The following SUMF1 variants were observed in gnomAD, a reference collection of about 807,000 sequenced individuals.
SUMF1 encodes the protein sulfatase modifying factor 1.
SUMF1 carries 48 observed loss-of-function variants against 47.6 expected under a neutral mutation model. That is an observed-to-expected ratio of 1.01 (90% CI 0.80 to 1.28). The LOEUF is 1.28. Ranked by LOEUF, SUMF1 falls within the 50% of genes most tolerant of loss-of-function variation. SUMF1 has a pLI of 0.00. For missense variants in SUMF1, 571 were observed against 485.4 expected, an observed-to-expected ratio of 1.18 and a Z score of -1.66; for synonymous variants, 230 against 192.1, an observed-to-expected ratio of 1.20 and a Z score of -1.63.
At chr3:4,258,747 G>A (rs1488382604) in intron 8 of SUMF1, among the ~76,000 whole-genome samples, 2 of 140,186 alleles carry the variant, frequency 1.4e-5, no homozygotes, top group African/African-American at 2.7e-5. Context: ...ATTTGACCCA[G>A]CCATCCCATT....
intron 8 of SUMF1, among the ~76,000 whole-genome samples, chr3:4,232,411 T>C (rs1490095498): frequency 6.6e-6 from 1 of 152,122 alleles, no homozygotes; most frequent in African/African-American, 2.4e-5. Context: ...AGAATATGAC[T>C]GCCAGGGTTC....
intron 8 of SUMF1, among the ~76,000 whole-genome samples, chr3:4,134,516 G>C (rs1012918228): frequency 6.6e-6 from 1 of 152,000 alleles, no homozygotes; most frequent in Non-Finnish European, 1.5e-5. Flanking sequence ...AGAGAAAGCA[G>C]GAAAGATCTA....
At chr3:4,367,746 T>A (rs550799300) in intron 8 of SUMF1, among the ~76,000 whole-genome samples, 2 of 152,276 alleles carry the variant, frequency 1.3e-5, no homozygotes, top group South Asian at 4.1e-4. Flanking sequence ...AAGGATTCCC[T>A]ATTTAATAAA....
intron 8 of SUMF1, among the ~76,000 whole-genome samples, chr3:4,110,899 C>T (rs183150294): frequency 0.018 from 2,649 of 150,570 alleles, 33 homozygotes; most frequent in Non-Finnish European, 0.027. Context: ...TGTTAAATGA[C>T]GAGTTGATGG....
chr3:4,065,631 T>C (rs1213566567), intron 9 of SUMF1, among the ~76,000 whole-genome samples: 1 of 152,152 alleles, frequency 6.6e-6, no homozygotes, highest in African/African-American at 2.4e-5. Context: ...TCATTTGAAC[T>C]TGAAATTTAA....
At chr3:4,174,223 G>A (rs1482154583) in intron 8 of SUMF1, among the ~76,000 whole-genome samples, 1 of 151,888 alleles carries the variant, frequency 6.6e-6, no homozygotes, top group Non-Finnish European at 1.5e-5. Context: ...AGGCATGGTG[G>A]CAGGCACCTG....
chr3:4,193,397 G>A (rs573727010), intron 8 of SUMF1, among the ~76,000 whole-genome samples: 3 of 152,102 alleles, frequency 2.0e-5, no homozygotes, highest in South Asian at 4.1e-4. Context: ...TATCAGACTT[G>A]AGGGGATCAT....
At chr3:4,067,622 C>A in intron 9 of SUMF1, among the ~76,000 whole-genome samples, 1 of 152,210 alleles carries the variant, frequency 6.6e-6, no homozygotes, top group East Asian at 1.9e-4. Context: ...GGCAGCTCAT[C>A]CACCTGGTTA....
rs77720464 is a variant in SUMF1, at chr3:4,227,163, A to G, written c.1014+149167T>C. 1.8e-4 allele frequency among the ~76,000 whole-genome samples: 27 copies of G among 152,262 alleles called. 2 individuals carry two copies. The East Asian group carries it at 5.0e-3, about 28-fold the overall frequency. ...GAAGCATTCTAGAGCTTCTTTGGGTATAACGATATGGTTACAACACATCCG... is the reference window on the plus strand; with the variant it reads ...GAAGCATTCTAGAGCTTCTTTGGGTGTAACGATATGGTTACAACACATCCG... On this transcript the variant is annotated intron_variant and NMD_transcript_variant, in intron 8 of 12. Transcript: ENST00000448413.
chr3:4,407,610 A>G (rs1011873302), intron 7 of SUMF1, among the ~76,000 whole-genome samples: 4 of 152,228 alleles, frequency 2.6e-5, no homozygotes, highest in Non-Finnish European at 5.9e-5. Context: ...GCTAAGCACT[A>G]GAGATACACA....
intron 8 of SUMF1, among the ~76,000 whole-genome samples, chr3:4,155,748 C>A (rs1048911093): frequency 2.6e-5 from 4 of 151,448 alleles, no homozygotes; most frequent in Admixed American, 2.0e-4. Context: ...GATATGAACC[C>A]TGTCAGTCCG....
At chr3:4,040,088 CAA>C (rs1177585802) in intron 9 of SUMF1, among the ~76,000 whole-genome samples, 1 of 151,896 alleles carries the variant, frequency 6.6e-6, no homozygotes, top group Non-Finnish European at 1.5e-5. Flanking sequence ...ACCACACACA[CAA>C]AAGAGAGATA....
chr3:4,053,793 G>A (rs555593055), intron 9 of SUMF1, among the ~76,000 whole-genome samples: 22 of 152,158 alleles, frequency 1.4e-4, no homozygotes, highest in Middle Eastern at 3.4e-3. Context: ...TTGAACAACC[G>A]TCACTACCTC....
chr3:4,428,662 T>G (rs1310503579), intron 3 of SUMF1, among the ~76,000 whole-genome samples: 1 of 152,240 alleles, frequency 6.6e-6, no homozygotes, highest in Non-Finnish European at 1.5e-5. Flanking sequence ...CCCTGTTCCA[T>G]TTTTAATGTC....
chr3:4,242,106 G>A (rs1207691096), intron 8 of SUMF1, among the ~76,000 whole-genome samples: 2 of 152,150 alleles, frequency 1.3e-5, no homozygotes, highest in Non-Finnish European at 2.9e-5. Flanking sequence ...GAATGCTTGT[G>A]ATATTTGCAC....
At chr3:4,074,528 T>A (rs1692374973) in intron 8 of SUMF1, among the ~76,000 whole-genome samples, 1 of 151,908 alleles carries the variant, frequency 6.6e-6, no homozygotes, top group Admixed American at 6.6e-5. Context: ...AAAAAAACCC[T>A]TCAAAAAATC....
chr3:4,149,292 A>T (rs1390790378), intron 8 of SUMF1, among the ~76,000 whole-genome samples: 1 of 152,160 alleles, frequency 6.6e-6, no homozygotes, highest in Non-Finnish European at 1.5e-5. Flanking sequence ...GAACCTACTG[A>T]GAGCATTTAC....
intron 8 of SUMF1, among the ~76,000 whole-genome samples, chr3:4,269,521 A>C (rs1290884829): frequency 2.0e-5 from 3 of 152,346 alleles, no homozygotes; most frequent in African/African-American, 7.2e-5. Context: ...AATATCAAAC[A>C]ATCTTAACCA....
At chr3:4,243,531 T>C (rs1041942837) in intron 8 of SUMF1, among the ~76,000 whole-genome samples, 1 of 152,198 alleles carries the variant, frequency 6.6e-6, no homozygotes. Flanking sequence ...CCATTAGTCA[T>C]TTGGGAGCCA....
Sources: gnomAD v4.1 joint callset for allele counts (sites outside exome capture counted in the v4.1 genomes callset) on GRCh38, gnomAD v4.1.1 for gene constraint, MANE v1.5 for transcripts, NCBI Gene and HGNC (gene_info 2026-07-23, HGNC 2026-07-21) for gene names.